The following ST7L variants were observed in gnomAD, a reference collection of about 807,000 sequenced individuals.
The protein encoded by ST7L is suppressor of tumorigenicity 7 protein-like.
A neutral mutation model predicts 72.5 loss-of-function variants in ST7L; 57 were observed. That is an observed-to-expected ratio of 0.79 (90% confidence interval 0.64 to 0.98). The LOEUF (loss-of-function observed/expected upper bound fraction) is 0.98, where lower values mean the gene tolerates loss of function less well. Ranked by LOEUF, ST7L falls within the 50% of genes least tolerant of loss-of-function variation. The pLI is 0.00. For synonymous variants in ST7L, 221 were observed against 240.9 expected (o/e 0.92, Z 0.77); for missense variants, 576 against 672.2 (o/e 0.86, Z 1.58).
rs1312434260 is a variant in ST7L, at chr1:112,565,062, G to T, written c.1246-9044C>A. ...TTTTTATTTATTATTATTATTATTT[G>T]AGATGGAGCTTTGCTCTTGTTGCCC... On this transcript the variant is annotated intron_variant, in intron 11 of 14. Transcript: ENST00000358039. Among the ~76,000 whole-genome samples, 6 of 150,976 alleles carry T rather than the reference G, an allele frequency of 4.0e-5. No individual in the cohort carries two copies. The East Asian group carries it at 1.2e-3, about 29-fold the overall frequency.
intron 7 of ST7L, among the ~76,000 whole-genome samples, chr1:112,582,922 C>A (rs564536385): frequency 5.5e-4 from 83 of 152,234 alleles, no homozygotes; most frequent in African/African-American, 2.0e-3. Flanking sequence ...ACAAAATTTC[C>A]ATGGCTAATG....
intron 14 of ST7L, among the ~76,000 whole-genome samples, chr1:112,531,641 C>T (rs1350640749): frequency 6.6e-6 from 1 of 152,174 alleles, no homozygotes; most frequent in Non-Finnish European, 1.5e-5. Flanking sequence ...GTGGCAATAG[C>T]TTCCACCTTA....
chr1:112,568,857 TATAA>T (rs1366621472), intron 11 of ST7L, among the ~76,000 whole-genome samples: 81 of 80,430 alleles, frequency 1.0e-3, no homozygotes, highest in African/African-American at 3.8e-3. Flanking sequence ...TAAATATAAA[TATAA>T]ATATATATAT....
At chr1:112,531,576 C>T (rs1364276916) in intron 14 of ST7L, among the ~76,000 whole-genome samples, 1 of 152,158 alleles carries the variant, frequency 6.6e-6, no homozygotes, top group Non-Finnish European at 1.5e-5. Context: ...GTGAAAATAA[C>T]TCACCATTCC....
chr1:112,596,494 C>A (rs1008483232), intron 5 of ST7L, among the ~76,000 whole-genome samples: 1 of 152,186 alleles, frequency 6.6e-6, no homozygotes, highest in African/African-American at 2.4e-5. Flanking sequence ...GCTGATAATA[C>A]CACCTATCTC....
intron 3 of ST7L, among the ~76,000 whole-genome samples, chr1:112,601,153 A>G (rs1435544039): frequency 6.6e-6 from 1 of 152,226 alleles, no homozygotes; most frequent in East Asian, 1.9e-4. Context: ...TCCTAGAACC[A>G]AGCACAGCAT....
intron 11 of ST7L, 129 bp downstream of exon 11, chr1:112,576,857 T>G: frequency 1.7e-6 from 1 of 594,028 alleles, no homozygotes; most frequent in Non-Finnish European, 2.9e-6. Context: ...AGGTGAATAA[T>G]AAGCATCAAA....
In ST7L at chr1:112,525,090, G is replaced by C. The variant is rs1274182659; in HGVS notation, c.*923C>G. On this transcript the variant is annotated 3_prime_UTR_variant, in exon 15 of 15. Transcript: ENST00000358039. The stretch of plus-strand genomic sequence containing the variant: ...GGCTGAGACTGTATAAGTTCGCAAG[G>C]CTGGTTCATGCCAGAGATAGTGAGA... 1 of 152,218 alleles carries C rather than the reference G, an allele frequency of 6.6e-6. No homozygotes were observed. Among genetic ancestry groups the C allele is most frequent in the African/African-American group, 2.4e-5 (1 of 41,418 alleles). 9.4% of individuals were successfully genotyped at this position (152,218 alleles called of 1,614,324 possible).
chr1:112,520,283 C>T, downstream of ST7L: 2 of 1,613,626 alleles, frequency 1.2e-6, no homozygotes, highest in East Asian at 2.2e-5. Context: ...AACCCAGGTT[C>T]CCTAGGCACT....
chr1:112,580,308 C>A (rs935705501), intron 9 of ST7L, among the ~76,000 whole-genome samples: 2 of 152,134 alleles, frequency 1.3e-5, no homozygotes, highest in African/African-American at 4.8e-5. Context: ...GCCACCACAC[C>A]CAGCTAAATT....
At chr1:112,520,385 G>A (rs144189370), downstream of ST7L, 14 of 1,614,122 alleles carry the variant, frequency 8.7e-6, no homozygotes, top group South Asian at 6.6e-5. Context: ...CGAGTCACCC[G>A]TGTTACCCAG....
chr1:112,544,176 G>C (rs1008261892), intron 13 of ST7L, among the ~76,000 whole-genome samples: 2 of 152,144 alleles, frequency 1.3e-5, no homozygotes, highest in African/African-American at 4.8e-5. Context: ...TGACCGCTTA[G>C]GGCTGGATAC....
intron 13 of ST7L, among the ~76,000 whole-genome samples, chr1:112,543,774 C>G (rs1656590215): frequency 1.4e-5 from 2 of 145,900 alleles, no homozygotes; most frequent in Non-Finnish European, 3.0e-5. Flanking sequence ...GAGGCTGAGG[C>G]AGGAGGATCG....
intron 11 of ST7L, among the ~76,000 whole-genome samples, chr1:112,569,957 CAA>C (rs750153250): frequency 6.8e-5 from 5 of 73,340 alleles, no homozygotes; most frequent in Admixed American, 1.5e-4. Context: ...GATTCTGTCT[CAA>C]AAAAAAAAAA....
chr1:112,525,540 T>A lies in ST7L; in HGVS notation c.*473A>T. 6.7e-6 allele frequency: 1 copy of A among 148,952 alleles called. No homozygotes were observed. 9.2% of individuals were successfully genotyped at this position (148,952 alleles called of 1,614,324 possible). On this transcript the variant is annotated 3_prime_UTR_variant, in exon 15 of 15. Coordinates refer to ENST00000358039, the MANE Select transcript of ST7L (RefSeq NM_017744.5). ...ATCTCGGTGGCTATTCCTCATTTACTTAAGATGTTTTAGTCATTCTGGATG... is the reference window on the plus strand; with the variant it reads ...ATCTCGGTGGCTATTCCTCATTTACATAAGATGTTTTAGTCATTCTGGATG...
At chr1:112,520,628 A>T, downstream of ST7L, 4 of 1,053,180 alleles carry the variant, frequency 3.8e-6, no homozygotes, top group Non-Finnish European at 5.6e-6. Context: ...CTATTTAAGG[A>T]TGTAGAGAGT....
intron 14 of ST7L, among the ~76,000 whole-genome samples, chr1:112,539,517 G>A (rs376968563): frequency 3.3e-5 from 5 of 152,088 alleles, no homozygotes; most frequent in South Asian, 2.1e-4. Context: ...TTAGCTGGGC[G>A]TTGTGGCACG....
At chr1:112,577,224 A>AC (rs891540985) in intron 10 of ST7L, 136 bp from the exon 11 acceptor site, 41 of 361,092 alleles carry the variant, frequency 1.1e-4, no homozygotes, top group African/African-American at 6.8e-4. Context: ...AGGACTAACA[A>AC]AAAAAAAAAA....
intron 3 of ST7L, among the ~76,000 whole-genome samples, chr1:112,602,616 A>C (rs1204628020): frequency 6.6e-6 from 1 of 152,176 alleles, no homozygotes; most frequent in Admixed American, 6.5e-5. Flanking sequence ...TGTTTGTGAG[A>C]ACTGGCCCCT....
Sources: allele counts gnomAD v4.1 joint callset (sites outside exome capture counted in the v4.1 genomes callset), GRCh38; gene constraint gnomAD v4.1.1; transcripts MANE v1.5; gene names NCBI Gene and HGNC (gene_info 2026-07-23, HGNC 2026-07-21).